LPAR3: variants seen among roughly 807,000 people sequenced by gnomAD.
LPAR3 encodes lysophosphatidic acid receptor 3, also known as LPA receptor 3.
A neutral mutation model predicts 17.8 loss-of-function variants in LPAR3; 7 were observed. That is an observed-to-expected ratio of 0.39 (90% CI 0.22 to 0.74). The LOEUF is 0.74. Ranked by LOEUF, LPAR3 falls within the 30% of genes least tolerant of loss-of-function variation. LPAR3 has a pLI of 0.40. For missense variants in LPAR3, 391 were observed against 453.4 expected, an observed-to-expected ratio of 0.86 and a Z score of 1.25; for synonymous variants, 179 against 179.9, an observed-to-expected ratio of 0.99 and a Z score of 0.04.
intron 1 of LPAR3, 167 bp from the exon 2 acceptor site, chr1:84,866,305 C>T (rs1660048722): frequency 1.7e-6 from 1 of 605,696 alleles, no homozygotes; most frequent in Non-Finnish European, 2.9e-6. Context: ...TAGCCCCTGA[C>T]CTCCTACCAC....
intron 2 of LPAR3, among the ~76,000 whole-genome samples, chr1:84,824,301 T>C (rs1325069168): frequency 6.6e-6 from 1 of 152,098 alleles, no homozygotes; most frequent in East Asian, 1.9e-4. Context: ...TATAGCATGG[T>C]ACAGTTCAGG....
intron 2 of LPAR3, among the ~76,000 whole-genome samples, chr1:84,828,907 C>G (rs1375731558): frequency 6.6e-6 from 1 of 152,120 alleles, no homozygotes; most frequent in Non-Finnish European, 1.5e-5. Flanking sequence ...CATAATCCAA[C>G]AAGTATTTAT....
At position 84,879,437 on chromosome 1, in the gene LPAR3, G is replaced by A. The variant is rs543137030; in HGVS notation, c.-18-13299C>T. Among the ~76,000 whole-genome samples, 8 of 150,054 alleles carry A rather than the reference G, an allele frequency of 5.3e-5. No homozygotes were observed. The East Asian group carries it at 5.9e-4, about 11-fold the overall frequency. ...TGCCATTCTCCTGCCTCAGCCTCCC[G>A]AGTAGCTGGGACTACAGGTGCCCAC... is the stretch of plus-strand genomic sequence containing the variant. On this transcript the variant is annotated intron_variant, in intron 1 of 2. Coordinates refer to ENST00000370611, the MANE Select transcript of LPAR3 (RefSeq NM_012152.3).
rs149462985 is a variant in LPAR3, at chr1:84,865,456, G to A, written c.665C>T (p.Pro222Leu). 2.2e-5 allele frequency: 35 copies of A among 1,613,976 alleles called. No individual in the cohort carries two copies. Among genetic ancestry groups the A allele is most frequent in the Non-Finnish European group, 2.5e-5 (30 of 1,180,026 alleles). The change falls in exon 2 of 3, where the codon CCG (proline) becomes CTG (leucine). Residue 222 changes from proline to leucine, a missense_variant. Physicochemically the swap from Pro to Leu is moderately conservative, Grantham distance 98. Coordinates refer to ENST00000370611, the MANE Select transcript of LPAR3 (RefSeq NM_012152.3). ...GCGGCTGATGGACCCACTTGTATGC[G>A]GAGACAAGACGTTGGTTTTCCTCTT... Reference protein sequence around the residue: ...YVKRKTNVLSPHTSGSISRRR... With the variant: ...YVKRKTNVLSLHTSGSISRRR...
intron 2 of LPAR3, among the ~76,000 whole-genome samples, chr1:84,817,678 T>A (rs1260542401): frequency 6.6e-6 from 1 of 152,072 alleles, no homozygotes; most frequent in East Asian, 1.9e-4. Context: ...AGCATAAAGA[T>A]GAGATCAGCA....
chr1:84,856,263 G>A (rs1659821822), intron 2 of LPAR3, among the ~76,000 whole-genome samples: 1 of 152,184 alleles, frequency 6.6e-6, no homozygotes. Flanking sequence ...GAGTACTGGT[G>A]CCTGGATGGC....
chr1:84,888,161 C>T (rs1660493965), intron 1 of LPAR3, among the ~76,000 whole-genome samples: 1 of 92,150 alleles, frequency 1.1e-5, no homozygotes, highest in Non-Finnish European at 2.2e-5. Context: ...TACACACACA[C>T]ACACACACAC....
At chr1:84,818,169 C>A (rs897395282) in intron 2 of LPAR3, among the ~76,000 whole-genome samples, 1 of 152,130 alleles carries the variant, frequency 6.6e-6, no homozygotes, top group African/African-American at 2.4e-5. Context: ...TGGATTAATT[C>A]ATATACAATG....
At chr1:84,881,686 A>G (rs1430137546) in intron 1 of LPAR3, among the ~76,000 whole-genome samples, 1 of 152,178 alleles carries the variant, frequency 6.6e-6, no homozygotes, top group Non-Finnish European at 1.5e-5. Flanking sequence ...ACTAAGCTTA[A>G]GACAGTACCA....
intron 2 of LPAR3, among the ~76,000 whole-genome samples, chr1:84,827,471 A>G (rs1659183725): frequency 6.6e-6 from 1 of 151,076 alleles, no homozygotes; most frequent in African/African-American, 2.5e-5. Context: ...TTAAAATAGA[A>G]GCATACCCTC....
intron 2 of LPAR3, among the ~76,000 whole-genome samples, chr1:84,858,429 A>G (rs1211439223): frequency 1.4e-5 from 2 of 147,508 alleles, no homozygotes; most frequent in Non-Finnish European, 3.0e-5. Flanking sequence ...GGTTGCAGTG[A>G]GCGGAGATCA....
At chr1:84,831,853 A>G (rs1216848053) in intron 2 of LPAR3, among the ~76,000 whole-genome samples, 2 of 149,774 alleles carry the variant, frequency 1.3e-5, no homozygotes, top group Non-Finnish European at 3.0e-5. Context: ...TATAATATAC[A>G]TATATCATAC....
At chr1:84,882,192 CAACA>C (rs1660378140) in intron 1 of LPAR3, among the ~76,000 whole-genome samples, 1 of 151,976 alleles carries the variant, frequency 6.6e-6, no homozygotes, top group Admixed American at 6.5e-5. Context: ...TATGCACTAA[CAACA>C]AACAATCCAA....
Position 84,814,027 on chromosome 1 carries a change from GAGT to G in LPAR3, c.878_880del (p.Tyr293del). ...GCCATACATGTCCTCGTCCTTGTAG[GAGT>G]AGATGATGGGGTTCACGACGGAGTT... On this transcript the variant is annotated inframe_deletion, in exon 3 of 3. Transcript: ENST00000370611. 1 of 1,614,176 alleles carries G rather than the reference GAGT, an allele frequency of 6.2e-7. No individual in the cohort carries two copies. Among genetic ancestry groups the G allele is most frequent in the Non-Finnish European group, 8.5e-7 (1 of 1,180,030 alleles).
At chr1:84,815,053 T>C (rs116570747) in intron 2 of LPAR3, among the ~76,000 whole-genome samples, 3,574 of 152,304 alleles carry the variant, frequency 0.023, 70 homozygotes, top group Admixed American at 0.038. Context: ...GCACTTACTA[T>C]AAGCGAGGCA....
At chr1:84,834,753 T>A (rs999496995) in intron 2 of LPAR3, among the ~76,000 whole-genome samples, 8 of 152,172 alleles carry the variant, frequency 5.3e-5, no homozygotes, top group Non-Finnish European at 1.2e-4. Context: ...TTTGGTAGAA[T>A]CACAGACTCT....
intron 2 of LPAR3, among the ~76,000 whole-genome samples, chr1:84,864,379 G>A (rs534901484): frequency 9.8e-5 from 15 of 152,292 alleles, no homozygotes; most frequent in South Asian, 8.3e-4. Flanking sequence ...ACCTTGAGCA[G>A]TAGGATATAA....
At position 84,813,800 on chromosome 1, in the gene LPAR3, C is replaced by T. The variant is rs1167012390; in HGVS notation, c.*46G>A. On this transcript the variant is annotated 3_prime_UTR_variant, in exon 3 of 3. Transcript: ENST00000370611. Reference sequence around the variant, plus strand: ...AGAGACAGGTAATCATTCTTAACAGCTCTTTTCCCAGAGGAGGCCTGGGTG... The same window carrying T: ...AGAGACAGGTAATCATTCTTAACAGTTCTTTTCCCAGAGGAGGCCTGGGTG... 1 of 1,459,298 alleles carries T rather than the reference C, an allele frequency of 6.9e-7. No individual in the cohort carries two copies. The highest frequency in any genetic ancestry group is 1.4e-5 in the African/African-American group (1 of 71,784). 90.4% of individuals were successfully genotyped at this position (1,459,298 alleles called of 1,614,324 possible).
chr1:84,863,122 C>T (rs1295271946), intron 2 of LPAR3, among the ~76,000 whole-genome samples: 1 of 151,094 alleles, frequency 6.6e-6, no homozygotes, highest in Non-Finnish European at 1.5e-5. Context: ...GTTGTTCAGG[C>T]TGGAGTGCCG....
Sources: gnomAD v4.1 joint callset for allele counts (sites outside exome capture counted in the v4.1 genomes callset) on GRCh38, gnomAD v4.1.1 for gene constraint, MANE v1.5 for transcripts, NCBI Gene and HGNC (gene_info 2026-07-23, HGNC 2026-07-21) for gene names.